The following PPP2R3A variants were observed in gnomAD, a reference collection of about 807,000 sequenced individuals.
PPP2R3A encodes serine/threonine-protein phosphatase 2A regulatory subunit B'' subunit alpha.
In PPP2R3A, 80 loss-of-function variants were observed where a neutral mutation model predicts 106.9. The ratio of observed to expected loss-of-function variants is 0.75; its 90% CI spans 0.62 to 0.90. The LOEUF (loss-of-function observed/expected upper bound fraction) is 0.90, where lower values mean the gene tolerates loss of function less well. Among genes scored for constraint, PPP2R3A ranks in the 40% least tolerant of loss-of-function variants. PPP2R3A has a pLI of 0.00. For missense variants in PPP2R3A, 1,386 were observed against 1,350.4 expected, an observed-to-expected ratio of 1.03 and a Z score of -0.41; for synonymous variants, 483 against 468.3, an observed-to-expected ratio of 1.03 and a Z score of -0.41.
intron 13 of PPP2R3A, among the ~76,000 whole-genome samples, chr3:136,108,743 G>GTAAA (rs1197079960): frequency 9.2e-5 from 14 of 151,776 alleles, no homozygotes; most frequent in South Asian, 2.1e-4. Context: ...CAGACAACTG[G>GTAAA]TAAATAAATA....
intron 1 of PPP2R3A, among the ~76,000 whole-genome samples, chr3:135,966,395 C>G (rs1937086158): frequency 6.6e-6 from 1 of 152,158 alleles, no homozygotes; most frequent in Non-Finnish European, 1.5e-5. Context: ...TCCCGGCCCG[C>G]CAGGAGCCGG....
chr3:136,092,807 C>T (rs553778105), intron 10 of PPP2R3A, among the ~76,000 whole-genome samples: 4 of 152,030 alleles, frequency 2.6e-5, no homozygotes, highest in Admixed American at 6.6e-5. Flanking sequence ...TAAATAGTGC[C>T]GGAACAACTG....
intron 5 of PPP2R3A, among the ~76,000 whole-genome samples, chr3:136,062,104 C>CCT: frequency 6.6e-6 from 1 of 152,086 alleles, no homozygotes; most frequent in East Asian, 1.9e-4. Context: ...ATCTTGCTAA[C>CCT]CTAGTAATTA....
At position 136,010,265 on chromosome 3, in the gene PPP2R3A, T is replaced by A. The variant is rs550687312; in HGVS notation, c.1995+6772T>A. Among the ~76,000 whole-genome samples, 39 of 147,258 alleles carry A rather than the reference T, an allele frequency of 2.6e-4. No homozygotes were observed. The South Asian group carries it at 8.1e-3, about 31-fold the overall frequency. On this transcript the variant is annotated intron_variant, in intron 2 of 13. Transcript: ENST00000264977. ...TTTTTCTTTTCTTTCTTTCTTTTTT[T>A]TTTTTTTTTTTGAGGTGGAGTCTCA... is the stretch of plus-strand genomic sequence containing the variant.
At chr3:136,127,014 C>G (rs1938206238) in intron 13 of PPP2R3A, among the ~76,000 whole-genome samples, 1 of 152,080 alleles carries the variant, frequency 6.6e-6, no homozygotes, top group Non-Finnish European at 1.5e-5. Flanking sequence ...CTGTAGGTCA[C>G]CAACATCAAA....
chr3:136,053,694 T>C (rs1935759510), intron 5 of PPP2R3A, among the ~76,000 whole-genome samples: 1 of 152,186 alleles, frequency 6.6e-6, no homozygotes, highest in African/African-American at 2.4e-5. Flanking sequence ...AAATTCTCCT[T>C]ATTTCTCTTT....
intron 2 of PPP2R3A, among the ~76,000 whole-genome samples, 168 bp downstream of exon 2, chr3:136,003,661 A>G (rs1474623098): frequency 6.6e-6 from 1 of 152,066 alleles, no homozygotes. Flanking sequence ...CAAAGATTAT[A>G]CAAGATGATA....
chr3:136,104,836 C>G (rs1030780793), intron 12 of PPP2R3A, among the ~76,000 whole-genome samples: 28 of 152,164 alleles, frequency 1.8e-4, no homozygotes, highest in Non-Finnish European at 3.1e-4. Context: ...GACATTTTAT[C>G]TGAAACATAA....
At chr3:136,053,559 A>T (rs1350306245) in intron 5 of PPP2R3A, among the ~76,000 whole-genome samples, 1 of 152,180 alleles carries the variant, frequency 6.6e-6, no homozygotes, top group African/African-American at 2.4e-5. Context: ...ATACACAACA[A>T]TCACTAGTTG....
intron 4 of PPP2R3A, among the ~76,000 whole-genome samples, chr3:136,041,739 T>G (rs546825958): frequency 4.0e-4 from 61 of 152,358 alleles, no homozygotes; most frequent in African/African-American, 1.3e-3. Context: ...ATTTTAATCA[T>G]TACCTTTTGA....
chr3:136,020,536 T>C (rs1270017090), intron 2 of PPP2R3A, among the ~76,000 whole-genome samples: 7 of 152,096 alleles, frequency 4.6e-5, no homozygotes, highest in Admixed American at 1.3e-4. Flanking sequence ...TTACCTAATT[T>C]TACAGCAAAA....
chr3:136,072,829 T>G (rs147023139), intron 6 of PPP2R3A, among the ~76,000 whole-genome samples: 32 of 152,370 alleles, frequency 2.1e-4, no homozygotes, highest in Admixed American at 3.9e-4. Flanking sequence ...TAAGTTTTCT[T>G]TATGGTTCTA....
At chr3:136,008,618 T>A (rs1933930878) in intron 2 of PPP2R3A, among the ~76,000 whole-genome samples, 1 of 152,226 alleles carries the variant, frequency 6.6e-6, no homozygotes. Context: ...AAAATGTAAA[T>A]TGCAAGATGT....
intron 1 of PPP2R3A, among the ~76,000 whole-genome samples, chr3:135,966,297 C>T (rs915494350): frequency 1.3e-5 from 2 of 152,218 alleles, no homozygotes; most frequent in Non-Finnish European, 2.9e-5. Context: ...GGCGCTGAGG[C>T]TTTCTTTTCC....
chr3:136,101,715 C>A (rs1362964055), intron 10 of PPP2R3A, among the ~76,000 whole-genome samples: 1 of 152,018 alleles, frequency 6.6e-6, no homozygotes, highest in Non-Finnish European at 1.5e-5. Context: ...CATGAGCCAC[C>A]GTGCCCAGCC....
chr3:136,029,570 G>A (rs72983403), intron 3 of PPP2R3A, among the ~76,000 whole-genome samples: 1,649 of 152,318 alleles, frequency 0.011, 25 homozygotes, highest in African/African-American at 0.037. Flanking sequence ...TGCCATTTAT[G>A]TGCAGTGAGA....
chr3:136,096,984 A>G (rs776628486), intron 10 of PPP2R3A, among the ~76,000 whole-genome samples: 1 of 152,250 alleles, frequency 6.6e-6, no homozygotes, highest in Admixed American at 6.5e-5. Context: ...CACACAAAAA[A>G]TGTAATTTTG....
intron 1 of PPP2R3A, among the ~76,000 whole-genome samples, chr3:135,983,421 C>A (rs552972490): frequency 6.6e-6 from 1 of 152,288 alleles, no homozygotes; most frequent in South Asian, 2.1e-4. Context: ...ATCCCATCAT[C>A]CCCCTTCCTG....
In PPP2R3A at chr3:136,001,816, C is replaced by T. The variant is rs751692040; in HGVS notation, c.318C>T (p.Thr106=). 1.9e-6 allele frequency: 3 copies of T among 1,614,172 alleles called. No individual in the cohort carries two copies. Among genetic ancestry groups the T allele is most frequent in the Admixed American group, 1.7e-5 (1 of 60,014 alleles). The change falls in exon 2 of 14, where the codon ACC becomes ACT. Residue 106 remains threonine (T), a synonymous_variant. Transcript: ENST00000264977. Reference sequence around the variant, plus strand: ...AGAGAGGATCTACATTTCAGAATACCTACAACTTAAAGGATATTGCAGGAG... The same window carrying T: ...AGAGAGGATCTACATTTCAGAATACTTACAACTTAAAGGATATTGCAGGAG... ...RVKRGSTFQN[T]YNLKDIAGEA...
Sources: allele counts gnomAD v4.1 joint callset (sites outside exome capture counted in the v4.1 genomes callset), GRCh38; gene constraint gnomAD v4.1.1; transcripts MANE v1.5; gene names NCBI Gene and HGNC (gene_info 2026-07-23, HGNC 2026-07-21).